MAGI1: variants seen among roughly 807,000 people sequenced by gnomAD.
The protein encoded by MAGI1 is membrane-associated guanylate kinase, WW and PDZ domain-containing protein 1.
Under a neutral mutation model 139.9 loss-of-function variants are expected in MAGI1, and 58 were observed. The ratio of observed to expected loss-of-function variants is 0.41; its 90% CI spans 0.34 to 0.52. The LOEUF is 0.52. Ranked by LOEUF, MAGI1 falls within the 20% of genes least tolerant of loss-of-function variation. MAGI1 has a pLI of 0.12. For synonymous variants in MAGI1, 812 were observed against 737.9 expected (o/e 1.10, Z -1.63); for missense variants, 1,874 against 1,901.6 (o/e 0.99, Z 0.27).
chr3:65,693,854 C>A (rs995702288), intron 1 of MAGI1, among the ~76,000 whole-genome samples: 1 of 151,976 alleles, frequency 6.6e-6, no homozygotes, highest in African/African-American at 2.4e-5. Flanking sequence ...CCCCGAGCAG[C>A]TGGGATTACA....
At chr3:65,482,119 T>C (rs114069389) in intron 3 of MAGI1, among the ~76,000 whole-genome samples, 14 of 152,298 alleles carry the variant, frequency 9.2e-5, no homozygotes, top group African/African-American at 3.4e-4. Context: ...CACCATATCA[T>C]GGGGTAAAAG....
intron 1 of MAGI1, among the ~76,000 whole-genome samples, chr3:65,715,669 C>T (rs1243522713): frequency 6.6e-6 from 1 of 152,124 alleles, no homozygotes; most frequent in Non-Finnish European, 1.5e-5. Flanking sequence ...AAAGAAATCA[C>T]TTGGGGAAAG....
intron 2 of MAGI1, among the ~76,000 whole-genome samples, chr3:65,557,368 G>A (rs1182611429): frequency 6.6e-6 from 1 of 152,198 alleles, no homozygotes; most frequent in Non-Finnish European, 1.5e-5. Flanking sequence ...AGCCATGTAA[G>A]TGATAATCAA....
At chr3:65,813,900 G>C (rs2041438461) in intron 1 of MAGI1, among the ~76,000 whole-genome samples, 1 of 152,218 alleles carries the variant, frequency 6.6e-6, no homozygotes, top group African/African-American at 2.4e-5. Flanking sequence ...CATATCTAAA[G>C]GTACCTTGCA....
At chr3:65,989,595 T>C (rs960399789) in intron 1 of MAGI1, among the ~76,000 whole-genome samples, 2 of 152,118 alleles carry the variant, frequency 1.3e-5, no homozygotes, top group African/African-American at 4.8e-5. Flanking sequence ...TGGAGGGCAG[T>C]GGCATGATCT....
intron 1 of MAGI1, among the ~76,000 whole-genome samples, chr3:65,939,424 T>C (rs6445516): frequency 0.51 from 77,212 of 152,036 alleles, 20,789 homozygotes; most frequent in East Asian, 0.77. Context: ...TCCGCACAAA[T>C]TACCAACAGC....
intron 1 of MAGI1, among the ~76,000 whole-genome samples, chr3:65,734,986 T>C (rs1314094066): frequency 6.6e-6 from 1 of 151,998 alleles, no homozygotes; most frequent in Non-Finnish European, 1.5e-5. Context: ...TAAAAGCTTC[T>C]CTCTATTAAA....
At chr3:65,710,510 C>T (rs965798567) in intron 1 of MAGI1, among the ~76,000 whole-genome samples, 1 of 152,056 alleles carries the variant, frequency 6.6e-6, no homozygotes, top group African/African-American at 2.4e-5. Context: ...CTCCTGACCT[C>T]AGGTGATCCA....
chr3:65,633,512 A>T (rs540016441), intron 1 of MAGI1, among the ~76,000 whole-genome samples: 2 of 152,304 alleles, frequency 1.3e-5, no homozygotes, highest in African/African-American at 4.8e-5. Context: ...CACTTCAGGA[A>T]ATCCACTTTA....
At chr3:65,839,041 T>A (rs2058721505) in intron 1 of MAGI1, among the ~76,000 whole-genome samples, 1 of 152,250 alleles carries the variant, frequency 6.6e-6, no homozygotes, top group African/African-American at 2.4e-5. Flanking sequence ...TATAATTGAA[T>A]TGCTTGGTTT....
At chr3:65,660,473 C>T (rs1047535500) in intron 1 of MAGI1, among the ~76,000 whole-genome samples, 3 of 152,202 alleles carry the variant, frequency 2.0e-5, no homozygotes, top group African/African-American at 7.2e-5. Context: ...TTAAGATAAA[C>T]AAACATGGAC....
intron 1 of MAGI1, among the ~76,000 whole-genome samples, chr3:65,725,765 C>T (rs2033535199): frequency 6.6e-6 from 1 of 152,132 alleles, no homozygotes. Flanking sequence ...AAAATGGGAG[C>T]AGCACAGTCT....
intron 1 of MAGI1, among the ~76,000 whole-genome samples, chr3:65,624,173 G>C (rs923358870): frequency 2.0e-5 from 3 of 152,170 alleles, no homozygotes; most frequent in Non-Finnish European, 4.4e-5. Context: ...ATACTGTTTA[G>C]CAGGCATAAT....
intron 2 of MAGI1, among the ~76,000 whole-genome samples, chr3:65,602,891 T>C (rs2082548107): frequency 6.6e-6 from 1 of 151,856 alleles, no homozygotes; most frequent in Admixed American, 6.6e-5. Context: ...TGATCAACCT[T>C]AGGAGCAAAA....
At chr3:65,839,154 G>C (rs75595347) in intron 1 of MAGI1, among the ~76,000 whole-genome samples, 6,404 of 152,128 alleles carry the variant, frequency 0.042, 183 homozygotes, top group Non-Finnish European at 0.066. Context: ...ATATACAATG[G>C]TGGTCCCATA....
intron 1 of MAGI1, among the ~76,000 whole-genome samples, chr3:66,024,176 G>A (rs1240442301): frequency 6.6e-6 from 1 of 151,868 alleles, no homozygotes; most frequent in Non-Finnish European, 1.5e-5. Context: ...AACCAAGTGA[G>A]AGACAAATAT....
chr3:65,886,681 C>T (rs528854596), intron 1 of MAGI1, among the ~76,000 whole-genome samples: 2 of 152,260 alleles, frequency 1.3e-5, no homozygotes, highest in South Asian at 4.2e-4. Context: ...AATGACAGAG[C>T]AATATATGAG....
chr3:65,420,888 T>C (rs1224717159), intron 12 of MAGI1, among the ~76,000 whole-genome samples: 1 of 152,226 alleles, frequency 6.6e-6, no homozygotes, highest in Admixed American at 6.5e-5. Context: ...GTAAAAGTTT[T>C]AGGTGTGCCA....
At chr3:65,860,527 C>T (rs977195748) in intron 1 of MAGI1, among the ~76,000 whole-genome samples, 3 of 152,152 alleles carry the variant, frequency 2.0e-5, no homozygotes, top group African/African-American at 7.2e-5. Flanking sequence ...CCCTCCGCAC[C>T]GATTAAAAAG....
Sources: gnomAD v4.1 joint callset for allele counts (sites outside exome capture counted in the v4.1 genomes callset) on GRCh38, gnomAD v4.1.1 for gene constraint, MANE v1.5 for transcripts, NCBI Gene and HGNC (gene_info 2026-07-23, HGNC 2026-07-21) for gene names.